CEP63: variants seen among roughly 807,000 people sequenced by gnomAD.
The protein encoded by CEP63 is centrosomal protein 63.
Under a neutral mutation model 89.1 loss-of-function variants are expected in CEP63, and 84 were observed. The observed-to-expected ratio is 0.94, with a 90% CI of 0.79 to 1.13. The LOEUF is 1.13. Among genes scored for constraint, CEP63 ranks in the 50% most tolerant of loss-of-function variants. The pLI is 0.00. For missense variants in CEP63, 838 were observed against 813.3 expected, an observed-to-expected ratio of 1.03 and a Z score of -0.37; for synonymous variants, 267 against 272.5, an observed-to-expected ratio of 0.98 and a Z score of 0.20.
the CEP63 span, chr3:134,603,555 G>A: frequency 6.5e-7 from 1 of 1,544,052 alleles, no homozygotes; most frequent in Non-Finnish European, 8.8e-7. Context: ...GGCCCTTTGG[G>A]AGGGTAAGAC....
At chr3:134,665,698 CACACAG>C in the CEP63 span, among the ~76,000 whole-genome samples, 45 of 104,364 alleles carry the variant, frequency 4.3e-4, no homozygotes, top group African/African-American at 1.7e-3. Context: ...CACACACACA[CACACAG>C]AGAGAGAGAG....
At chr3:134,550,968 A>G (rs1954694684) in intron 11 of CEP63, among the ~76,000 whole-genome samples, 1 of 152,176 alleles carries the variant, frequency 6.6e-6, no homozygotes. Context: ...AGGGAAGGTG[A>G]GGTAGGCAGA....
At chr3:134,532,038 G>A in intron 4 of CEP63, 98 bp downstream of exon 4, 1 of 739,010 alleles carries the variant, frequency 1.4e-6, no homozygotes, top group South Asian at 1.6e-5. Flanking sequence ...TTGTAAAGTG[G>A]GAAATACATA....
At chr3:134,570,914 G>A (rs1022681999) in intron 11 of CEP63, among the ~76,000 whole-genome samples, 3 of 152,148 alleles carry the variant, frequency 2.0e-5, no homozygotes, top group Non-Finnish European at 2.9e-5. Context: ...AGGGCAGCAG[G>A]CAAAAAGAGA....
At chr3:134,673,114 A>C in the CEP63 span, among the ~76,000 whole-genome samples, 32 of 152,236 alleles carry the variant, frequency 2.1e-4, no homozygotes, top group African/African-American at 7.5e-4. Context: ...TTTACTCTTC[A>C]TCAGGTCTTC....
In CEP63 at chr3:134,561,303, A is replaced by G. The variant is rs550934998; in HGVS notation, c.1954-74A>G. The G allele has an allele frequency of 4.3e-6, 6 of 1,411,106 alleles. No individual in the cohort carries two copies. In the African/African-American group the frequency reaches 8.5e-5, roughly 20 times the overall value. 87.4% of individuals were successfully genotyped at this position (1,411,106 alleles called of 1,614,324 possible). A position where few individuals can be genotyped will look rare whatever the true frequency, so the allele number is the denominator to read the frequency against. On this transcript the variant is annotated intron_variant, in intron 14 of 14. Coordinates refer to ENST00000675561, the MANE Select transcript of CEP63 (RefSeq NM_001353108.3). ...ACCTTTTAATATTGCTAGTTAGAAAATGTCATGAACAGTGTATCTTAGAAA... is the reference window on the plus strand; with the variant it reads ...ACCTTTTAATATTGCTAGTTAGAAAGTGTCATGAACAGTGTATCTTAGAAA...
chr3:134,689,282 A>C, the CEP63 span, among the ~76,000 whole-genome samples: 1 of 152,136 alleles, frequency 6.6e-6, no homozygotes, highest in Admixed American at 6.5e-5. Context: ...AGAAAAAAAA[A>C]CTATGAGACA....
the CEP63 span, among the ~76,000 whole-genome samples, chr3:134,687,349 CTAACTT>C: frequency 6.6e-6 from 1 of 152,232 alleles, no homozygotes; most frequent in African/African-American, 2.4e-5. Flanking sequence ...TGGAGAAACT[CTAACTT>C]TAACTTGACT....
At chr3:134,580,918 T>C (rs1958331130) in intron 10 of CEP63, among the ~76,000 whole-genome samples, 1 of 151,666 alleles carries the variant, frequency 6.6e-6, no homozygotes, top group African/African-American at 2.4e-5. Context: ...CCTTAAAATA[T>C]GCAGATTATC....
chr3:134,535,651 C>G (rs1367855772), intron 5 of CEP63: 1 of 152,186 alleles, frequency 6.6e-6, no homozygotes, highest in African/African-American at 2.4e-5. Context: ...TGCCTGTTTC[C>G]TATCTCCACT....
chr3:134,722,322 C>T, the CEP63 span, among the ~76,000 whole-genome samples: 42 of 16,498 alleles, frequency 2.5e-3, no homozygotes, highest in South Asian at 0.066. Flanking sequence ...ATATACAGTA[C>T]AGTATTCTCC....
At chr3:134,489,107 G>A (rs1360716060) in intron 1 of CEP63, among the ~76,000 whole-genome samples, 1 of 149,476 alleles carries the variant, frequency 6.7e-6, no homozygotes, top group Non-Finnish European at 1.5e-5. Context: ...GTTGCAGTGA[G>A]CCGAGATCAC....
At chr3:134,535,104 A>T (rs1950530713) in intron 5 of CEP63, among the ~76,000 whole-genome samples, 1 of 151,822 alleles carries the variant, frequency 6.6e-6, no homozygotes, top group South Asian at 2.1e-4. Flanking sequence ...CTCCTCTTAA[A>T]TATCCTCTCT....
the CEP63 span, chr3:134,606,858 G>A: frequency 4.4e-6 from 4 of 912,996 alleles, no homozygotes; most frequent in South Asian, 2.0e-4. Context: ...CTCTCCTAGA[G>A]CCTGGCAGCT....
At chr3:134,745,238 A>G in the CEP63 span, among the ~76,000 whole-genome samples, 2 of 152,266 alleles carry the variant, frequency 1.3e-5, no homozygotes, top group East Asian at 1.9e-4. Context: ...CCAGTGCTCA[A>G]TGTCCCAAGT....
intron 3 of CEP63, among the ~76,000 whole-genome samples, chr3:134,519,249 G>A (rs940464081): frequency 1.3e-5 from 2 of 151,792 alleles, no homozygotes; most frequent in East Asian, 1.9e-4. Flanking sequence ...TCAGCCTCTC[G>A]AGTAGCTGGG....
the CEP63 span, among the ~76,000 whole-genome samples, chr3:134,634,415 A>G: frequency 6.6e-6 from 1 of 152,246 alleles, no homozygotes; most frequent in African/African-American, 2.4e-5. Flanking sequence ...AGATCAATAA[A>G]CAGAATAATA....
chr3:134,595,288 GAGA>G, the CEP63 span, among the ~76,000 whole-genome samples: 6 of 152,204 alleles, frequency 3.9e-5, no homozygotes, highest in African/African-American at 1.4e-4. Context: ...CTGCCGCCAT[GAGA>G]AGAAGTATGT....
chr3:134,597,741 C>T, the CEP63 span: 1 of 152,614 alleles, frequency 6.6e-6, no homozygotes, highest in Middle Eastern at 3.4e-3. Context: ...CAGACTTGCA[C>T]CATTGTCTGA....
Sources: gnomAD v4.1 joint callset for allele counts (sites outside exome capture counted in the v4.1 genomes callset) on GRCh38, gnomAD v4.1.1 for gene constraint, MANE v1.5 for transcripts, NCBI Gene and HGNC (gene_info 2026-07-23, HGNC 2026-07-21) for gene names.